The following ATXN7 variants were observed in gnomAD, a reference collection of about 807,000 sequenced individuals.
ATXN7 encodes the protein ataxin 7, also known as ataxin-7.
A neutral mutation model predicts 70.5 loss-of-function variants in ATXN7; 12 were observed. That is an observed-to-expected ratio of 0.17 (90% CI 0.11 to 0.28). The LOEUF (loss-of-function observed/expected upper bound fraction) is 0.28. ATXN7 is among the 10% of genes least tolerant of loss of function. The pLI is 1.00. For synonymous variants in ATXN7, 498 were observed against 448.7 expected (o/e 1.11, Z -1.39); for missense variants, 1,256 against 1,131.7 (o/e 1.11, Z -1.58).
intron 1 of ATXN7, among the ~76,000 whole-genome samples, chr3:63,889,450 G>A (rs1222740677): frequency 1.3e-5 from 2 of 152,144 alleles, no homozygotes; most frequent in Admixed American, 1.3e-4. Flanking sequence ...GTCACCATAC[G>A]AAATCAAGTG....
At chr3:63,921,077 A>C (rs1218541880) in intron 4 of ATXN7, among the ~76,000 whole-genome samples, 1 of 152,238 alleles carries the variant, frequency 6.6e-6, no homozygotes, top group Non-Finnish European at 1.5e-5. Flanking sequence ...ATAAATGAGC[A>C]GAAGAAGGAG....
intron 1 of ATXN7, among the ~76,000 whole-genome samples, chr3:63,889,211 T>A (rs1703183434): frequency 6.6e-6 from 1 of 152,142 alleles, no homozygotes; most frequent in South Asian, 2.1e-4. Context: ...AAAATTACCC[T>A]GGGAAAAGTC....
intron 5 of ATXN7, among the ~76,000 whole-genome samples, chr3:63,960,720 T>C (rs142511963): frequency 6.6e-6 from 1 of 152,292 alleles, no homozygotes; most frequent in African/African-American, 2.4e-5. Context: ...TTTCAGTTTG[T>C]ATATGGGCAT....
intron 12 of ATXN7, chr3:63,998,307 G>T (rs772604768): frequency 7.1e-6 from 7 of 985,244 alleles, no homozygotes; most frequent in Non-Finnish European, 8.4e-6. Context: ...TTAAAGAGAG[G>T]CTGCAGATCT....
intron 7 of ATXN7, 76 bp from the exon 8 acceptor site, chr3:63,982,863 C>A: frequency 9.0e-7 from 1 of 1,114,238 alleles, no homozygotes; most frequent in Admixed American, 1.9e-5. Context: ...CTGTTGATTT[C>A]TTCTATTTTC....
intron 4 of ATXN7, among the ~76,000 whole-genome samples, chr3:63,949,030 T>G (rs908858634): frequency 2.6e-5 from 4 of 152,198 alleles, no homozygotes; most frequent in Non-Finnish European, 5.9e-5. Flanking sequence ...TTTTATATTT[T>G]TATTTTCTGT....
chr3:63,995,819 C>G lies in ATXN7; in HGVS notation c.1997C>G (p.Pro666Arg), dbSNP rs766511872. 1 of 1,614,244 alleles carries G rather than the reference C, an allele frequency of 6.2e-7. No individual in the cohort carries two copies. Among genetic ancestry groups the G allele is most frequent in the South Asian group, 1.1e-5 (1 of 91,088 alleles). ...GGCCTTTCCTCGGTTCCTTCCTCCC[C>G]CATGTCCAGGAAACCTCAGAAATTG... ...PSGLSSVPSSPMSRKPQKLKS... is the reference protein window; with the variant it reads ...PSGLSSVPSSRMSRKPQKLKS... The change falls in exon 12 of 13, where the codon CCC becomes CGC. Residue 666 changes from proline to arginine, a missense_variant. Transcript: ENST00000674280.
In ATXN7 at chr3:63,995,909, G is replaced by T; in HGVS notation, c.2087G>T (p.Ser696Ile). Residue 696 changes from serine to isoleucine, a missense_variant, in exon 12 of 13, where the codon AGT (serine) becomes ATT (isoleucine). Ser to Ile is a moderately radical substitution (Grantham distance 142, BLOSUM62 -2). Transcript: ENST00000674280. ...SGNSTNCQNA[S>I]SSTSGGSGKK... ...AACAGCACTAACTGTCAAAATGCCA[G>T]TAGCAGTACCAGTGGCGGCTCAGGA... is the stretch of plus-strand genomic sequence containing the variant. 1 of 1,614,222 alleles carries T rather than the reference G, an allele frequency of 6.2e-7. No individual in the cohort carries two copies. Among genetic ancestry groups the T allele is most frequent in the Middle Eastern group, 1.6e-4 (1 of 6,062 alleles).
At chr3:63,941,431 G>A (rs1047680414) in intron 4 of ATXN7, among the ~76,000 whole-genome samples, 1 of 152,174 alleles carries the variant, frequency 6.6e-6, no homozygotes, top group Non-Finnish European at 1.5e-5. Flanking sequence ...CACGTGCAAG[G>A]TATCTAGGTT....
chr3:63,922,871 A>G (rs1432164875), intron 4 of ATXN7, among the ~76,000 whole-genome samples: 1 of 152,224 alleles, frequency 6.6e-6, no homozygotes, highest in Non-Finnish European at 1.5e-5. Flanking sequence ...TACTAATAAT[A>G]GAAGTATGGA....
At chr3:63,939,411 C>G (rs561814926) in intron 4 of ATXN7, among the ~76,000 whole-genome samples, 2 of 152,282 alleles carry the variant, frequency 1.3e-5, no homozygotes, top group South Asian at 4.1e-4. Context: ...CTTCCACTTT[C>G]AAACCAAGCA....
intron 2 of ATXN7, among the ~76,000 whole-genome samples, chr3:63,910,118 T>C (rs979353056): frequency 6.6e-6 from 1 of 152,196 alleles, no homozygotes; most frequent in African/African-American, 2.4e-5. Context: ...CAAGCAGGAA[T>C]TGGGAAAGAA....
chr3:63,873,769 T>C (rs1702665728), intron 1 of ATXN7: 1 of 152,242 alleles, frequency 6.6e-6, no homozygotes, highest in Admixed American at 6.5e-5. Context: ...AGTGGCACAA[T>C]CGTGGCTTAC....
intron 1 of ATXN7, among the ~76,000 whole-genome samples, chr3:63,897,955 A>G (rs971549174): frequency 6.6e-6 from 1 of 152,186 alleles, no homozygotes; most frequent in Non-Finnish European, 1.5e-5. Context: ...AGTATTAAAA[A>G]TTGCTTTTAT....
At chr3:63,907,270 G>A (rs566151697) in intron 2 of ATXN7, among the ~76,000 whole-genome samples, 2 of 152,078 alleles carry the variant, frequency 1.3e-5, no homozygotes, top group African/African-American at 2.4e-5. Flanking sequence ...TAGAACCCAC[G>A]CTCTTAATGG....
At chr3:63,916,433 C>T (rs1226831141) in intron 4 of ATXN7, among the ~76,000 whole-genome samples, 1 of 152,186 alleles carries the variant, frequency 6.6e-6, no homozygotes, top group Non-Finnish European at 1.5e-5. Flanking sequence ...CACGTCCCCA[C>T]CCCTAAAATT....
chr3:63,996,057 C>A lies in ATXN7; in HGVS notation c.2235C>A (p.Pro745=). Reference sequence around the variant, plus strand: ...ACTGTGTGGCTCACTCTGGGCCTCCCTACCCCTCAACGGTAACATCTTCCC... The same window carrying A: ...ACTGTGTGGCTCACTCTGGGCCTCCATACCCCTCAACGGTAACATCTTCCC... ...RKNCVAHSGP[P]YPSTVTSSHS... is the part of the protein sequence containing the mutation. Residue 745 remains proline, a synonymous_variant, in exon 12 of 13, where the codon CCC becomes CCA. Transcript: ENST00000674280. 1 of 1,614,204 alleles carries A rather than the reference C, an allele frequency of 6.2e-7. No homozygotes were observed. Among genetic ancestry groups the A allele is most frequent in the Non-Finnish European group, 8.5e-7 (1 of 1,180,034 alleles).
At chr3:63,929,520 C>T (rs1234099969) in intron 4 of ATXN7, among the ~76,000 whole-genome samples, 1 of 152,262 alleles carries the variant, frequency 6.6e-6, no homozygotes, top group East Asian at 1.9e-4. Context: ...ATGCGCCTGC[C>T]TCTGCTTCCC....
intron 4 of ATXN7, among the ~76,000 whole-genome samples, chr3:63,932,888 C>G (rs2074581520): frequency 6.6e-6 from 1 of 152,180 alleles, no homozygotes; most frequent in Non-Finnish European, 1.5e-5. Context: ...ACAGATAGAT[C>G]TGTCTAATTT....
Sources: gnomAD v4.1 joint callset for allele counts (sites outside exome capture counted in the v4.1 genomes callset) on GRCh38, gnomAD v4.1.1 for gene constraint, MANE v1.5 for transcripts, NCBI Gene and HGNC (gene_info 2026-07-23, HGNC 2026-07-21) for gene names.